The following RIMS4 variants were observed in gnomAD, a reference collection of about 807,000 sequenced individuals.
RIMS4 encodes regulating synaptic membrane exocytosis protein 4.
In RIMS4, 9 loss-of-function variants were observed where a neutral mutation model predicts 29.0. That is an observed-to-expected ratio of 0.31 (90% CI 0.19 to 0.54). RIMS4 has a LOEUF of 0.54. Among genes scored for constraint, RIMS4 ranks in the 20% least tolerant of loss-of-function variants. The probability of loss-of-function intolerance (pLI) is 0.94; values close to 1 mark genes in which losing one functional copy is unlikely to be tolerated. For synonymous variants in RIMS4, 130 were observed against 152.9 expected (o/e 0.85, Z 1.10); for missense variants, 193 against 365.7 (o/e 0.53, Z 3.85).
intron 1 of RIMS4, among the ~76,000 whole-genome samples, chr20:44,808,723 AC>A (rs1442710909): frequency 1.3e-5 from 2 of 152,102 alleles, no homozygotes; most frequent in Non-Finnish European, 2.9e-5. Context: ...GATCTGCCTC[AC>A]CTATCCCCAT....
At chr20:44,802,598 C>T (rs1776711623) in intron 1 of RIMS4, among the ~76,000 whole-genome samples, 1 of 152,156 alleles carries the variant, frequency 6.6e-6, no homozygotes, top group African/African-American at 2.4e-5. Flanking sequence ...TCCACAGTGC[C>T]TTCCAGCTAC....
In RIMS4 at chr20:44,756,765, G is replaced by A; in HGVS notation, c.591+133C>T. On this transcript the variant is annotated intron_variant, in intron 5 of 5. Coordinates refer to ENST00000372851, the MANE Select transcript of RIMS4 (RefSeq NM_182970.4). The surrounding 1 kb of genome is among the most constrained non-coding windows in gnomAD (Gnocchi z 5.9). Reference sequence around the variant, plus strand: ...GAGCTCAGTTCAGCCACAGTGAACTGAGGGCCTCGCCTGTTTCCTCCAGGC... The same window carrying A: ...GAGCTCAGTTCAGCCACAGTGAACTAAGGGCCTCGCCTGTTTCCTCCAGGC... 1.4e-6 allele frequency: 1 copy of A among 733,914 alleles called. No homozygotes were observed. The highest frequency in any genetic ancestry group is 2.6e-5 in the East Asian group (1 of 39,024). The allele number at this position is 733,914 out of a possible 1,614,324, so 45.5% of individuals were successfully genotyped here. A position where few individuals can be genotyped will look rare whatever the true frequency, so the allele number is the denominator to read the frequency against.
chr20:44,767,021 G>A (rs759307946), intron 2 of RIMS4, among the ~76,000 whole-genome samples: 23 of 152,206 alleles, frequency 1.5e-4, no homozygotes, highest in Non-Finnish European at 2.6e-4. Flanking sequence ...CATGGGTTCC[G>A]AGAGTTCCCC....
chr20:44,775,158 C>A lies in RIMS4; in HGVS notation c.98-3745G>T, dbSNP rs573676577. Among the ~76,000 whole-genome samples the A allele has an allele frequency of 2.6e-5, 4 of 152,284 alleles. 1 individual carries two copies. Among genetic ancestry groups the A allele is most frequent in the South Asian group, 4.1e-4 (2 of 4,832 alleles). On this transcript the variant is annotated intron_variant, in intron 1 of 5. Transcript: ENST00000372851. ...GTTAAACACGCTTCTAAGTGCTGCA[C>A]CTGCTGATAAAACACACTGACGGGA... is the stretch of plus-strand genomic sequence containing the variant.
intron 1 of RIMS4, among the ~76,000 whole-genome samples, chr20:44,799,055 C>T (rs908578407): frequency 1.1e-4 from 16 of 152,244 alleles, no homozygotes; most frequent in African/African-American, 3.4e-4. Context: ...GTAATCCCCG[C>T]CCTTTGGGAG....
At chr20:44,808,093 TATATAC>T (rs1049131608) in intron 1 of RIMS4, among the ~76,000 whole-genome samples, 3 of 147,116 alleles carry the variant, frequency 2.0e-5, no homozygotes, top group African/African-American at 7.7e-5. Context: ...TATATATATA[TATATAC>T]ACACACACCC....
chr20:44,801,779 T>C (rs370555740), intron 1 of RIMS4, among the ~76,000 whole-genome samples: 1 of 152,148 alleles, frequency 6.6e-6, no homozygotes, highest in Non-Finnish European at 1.5e-5. Flanking sequence ...TGAGACTCAT[T>C]TGGATCATAG....
intron 2 of RIMS4, among the ~76,000 whole-genome samples, chr20:44,763,826 C>T (rs145410699): frequency 2.7e-3 from 405 of 152,254 alleles, no homozygotes; most frequent in Non-Finnish European, 4.1e-3. Context: ...ATGGATCACT[C>T]GTCTCAACAG....
rs2066061766 is a variant in RIMS4 at position 44,756,695 on chromosome 20, T to C, written c.591+203A>G. Among the ~76,000 whole-genome samples, 1 of 152,094 alleles carries C rather than the reference T, an allele frequency of 6.6e-6. No homozygotes were observed. The highest frequency in any genetic ancestry group is 2.1e-4 in the South Asian group (1 of 4,830). On this transcript the variant is annotated intron_variant, in intron 5 of 5. Transcript: ENST00000372851. The surrounding 1 kb of genome is among the most constrained non-coding windows in gnomAD (Gnocchi z 5.9). ...GTCCCCGCTTTACAGATGAAGGAAC[T>C]GAGGGTCAGAAGGGAACTTGTTCAA...
chr20:44,791,284 T>C (rs1190595167), intron 1 of RIMS4, among the ~76,000 whole-genome samples: 2 of 152,258 alleles, frequency 1.3e-5, no homozygotes, highest in African/African-American at 4.8e-5. Flanking sequence ...GTGTGCTTTC[T>C]CTGCATTTTC....
intron 1 of RIMS4, among the ~76,000 whole-genome samples, chr20:44,796,206 T>TC (rs149292785): frequency 0.027 from 4,096 of 151,954 alleles, 192 homozygotes; most frequent in African/African-American, 0.094. Context: ...CTATGGCCTT[T>TC]CCCAGCACCC....
intron 1 of RIMS4, among the ~76,000 whole-genome samples, chr20:44,780,207 T>C (rs923032499): frequency 1.3e-5 from 2 of 152,214 alleles, no homozygotes; most frequent in African/African-American, 2.4e-5. Context: ...AAAATTAAGA[T>C]GTGAATGGCA....
intron 2 of RIMS4, among the ~76,000 whole-genome samples, chr20:44,767,485 T>C (rs1026421643): frequency 3.3e-5 from 5 of 152,144 alleles, no homozygotes; most frequent in Non-Finnish European, 5.9e-5. Context: ...ATGAGGCCCA[T>C]GGTGTGGAAA....
chr20:44,784,956 C>T (rs978303126), intron 1 of RIMS4, among the ~76,000 whole-genome samples: 7 of 152,216 alleles, frequency 4.6e-5, no homozygotes, highest in African/African-American at 1.7e-4. Context: ...GATTCTAATT[C>T]AGCAGGTCTC....
At chr20:44,776,686 C>A (rs1032243497) in intron 1 of RIMS4, among the ~76,000 whole-genome samples, 11 of 152,146 alleles carry the variant, frequency 7.2e-5, no homozygotes, top group African/African-American at 2.7e-4. Flanking sequence ...ACATATAACC[C>A]TCAGGATGGC....
Position 44,796,831 on chromosome 20 carries a change from T to C in RIMS4, c.97+13344A>G, listed in dbSNP as rs146618417. Among the ~76,000 whole-genome samples, 8 of 152,352 alleles carry C rather than the reference T, an allele frequency of 5.3e-5. No individual in the cohort carries two copies. In the East Asian group the frequency reaches 1.5e-3, roughly 29 times the overall value. ...CAAATGCTTGGAAGAGCTGTAAATATGAAGTCAACTAATCTGGCTCTATAC... is the reference window on the plus strand; with the variant it reads ...CAAATGCTTGGAAGAGCTGTAAATACGAAGTCAACTAATCTGGCTCTATAC... On this transcript the variant is annotated intron_variant, in intron 1 of 5. Coordinates refer to ENST00000372851, the MANE Select transcript of RIMS4 (RefSeq NM_182970.4).
At chr20:44,769,134 C>G (rs2066126046) in intron 2 of RIMS4, among the ~76,000 whole-genome samples, 1 of 152,156 alleles carries the variant, frequency 6.6e-6, no homozygotes, top group Non-Finnish European at 1.5e-5. Context: ...TGGCTTTGAA[C>G]CTGTCTGTAA....
At chr20:44,771,244 GA>G (rs779801806) in intron 2 of RIMS4, 30 bp downstream of exon 2, 2 of 1,589,704 alleles carry the variant, frequency 1.3e-6, no homozygotes, top group South Asian at 2.2e-5. Flanking sequence ...AAGACTGCAA[GA>G]ACCAGGAGGG....
chr20:44,773,808 C>T (rs975254651), intron 1 of RIMS4, among the ~76,000 whole-genome samples: 31 of 152,234 alleles, frequency 2.0e-4, no homozygotes, highest in African/African-American at 7.5e-4. Flanking sequence ...CATGCCTTTG[C>T]AGTCAGAAGG....
Sources: gnomAD v4.1 joint callset for allele counts (sites outside exome capture counted in the v4.1 genomes callset) on GRCh38, gnomAD v4.1.1 for gene constraint, Gnocchi (gnomAD v3.1) non-coding constraint, MANE v1.5 for transcripts, NCBI Gene and HGNC (gene_info 2026-07-23, HGNC 2026-07-21) for gene names.